Variants in ANKRD12 observed in about 807,000 individuals in gnomAD.
ANKRD12 encodes the protein ankyrin repeat domain-containing protein 12.
In ANKRD12, 85 loss-of-function variants were observed where a neutral mutation model predicts 183.4. That is an observed-to-expected ratio of 0.46 (90% confidence interval 0.39 to 0.56). The LOEUF is 0.56. Among genes scored for constraint, ANKRD12 ranks in the 20% least tolerant of loss-of-function variants. ANKRD12 has a pLI of 0.00. For missense variants in ANKRD12, 2,405 were observed against 2,357.1 expected, an observed-to-expected ratio of 1.02 and a Z score of -0.42; for synonymous variants, 914 against 800.2, an observed-to-expected ratio of 1.14 and a Z score of -2.40.
chr18:9,185,462 C>G (rs1433863832), intron 2 of ANKRD12, among the ~76,000 whole-genome samples: 1 of 152,118 alleles, frequency 6.6e-6, no homozygotes, highest in East Asian at 1.9e-4. Context: ...TGGGCCATTT[C>G]CTGAAAGGAA....
intron 1 of ANKRD12, among the ~76,000 whole-genome samples, chr18:9,153,431 GT>G (rs2029899076): frequency 6.6e-6 from 1 of 152,068 alleles, no homozygotes; most frequent in South Asian, 2.1e-4. Context: ...GAAATCCTTT[GT>G]CTTTTTCAGT....
intron 8 of ANKRD12, among the ~76,000 whole-genome samples, chr18:9,229,612 T>A (rs1287244309): frequency 6.6e-6 from 1 of 152,192 alleles, no homozygotes; most frequent in African/African-American, 2.4e-5. Flanking sequence ...AGCTGTTTCA[T>A]TATTGGTGTG....
intron 9 of ANKRD12, among the ~76,000 whole-genome samples, chr18:9,261,355 T>TAACA (rs1567988500): frequency 6.6e-6 from 1 of 152,240 alleles, no homozygotes; most frequent in Non-Finnish European, 1.5e-5. Context: ...CTGCAGAACT[T>TAACA]ACCAGAACCT....
At chr18:9,215,348 C>G (rs2036035882) in intron 6 of ANKRD12, among the ~76,000 whole-genome samples, 1 of 152,068 alleles carries the variant, frequency 6.6e-6, no homozygotes, top group African/African-American at 2.4e-5. Context: ...AGCTGCCAGT[C>G]TTTTGGTTGT....
At position 9,166,919 on chromosome 18, in the gene ANKRD12, T is replaced by A. The variant is rs1315092055; in HGVS notation, c.-51-15463T>A. ...ATAGGTGTAAGGAAGGGATCCAGTT[T>A]CAGCTTCCTACATATGGCTAGCCAG... On this transcript the variant is annotated intron_variant, in intron 1 of 12. Transcript: ENST00000262126. Among the ~76,000 whole-genome samples, 10 of 152,356 alleles carry A rather than the reference T, an allele frequency of 6.6e-5. No individual in the cohort carries two copies. The East Asian group carries it at 1.9e-3, about 29-fold the overall frequency.
At chr18:9,206,269 A>G (rs894553998) in intron 4 of ANKRD12, among the ~76,000 whole-genome samples, 1 of 152,076 alleles carries the variant, frequency 6.6e-6, no homozygotes, top group Non-Finnish European at 1.5e-5. Context: ...CTTGTCTATT[A>G]TTAGGGCAAG....
intron 7 of ANKRD12, among the ~76,000 whole-genome samples, chr18:9,220,428 A>G (rs1271130155): frequency 6.6e-6 from 1 of 152,210 alleles, no homozygotes; most frequent in African/African-American, 2.4e-5. Context: ...TGCACAAAAT[A>G]TCAAAACAAG....
At chr18:9,214,206 C>A (rs894529844) in intron 6 of ANKRD12, among the ~76,000 whole-genome samples, 2 of 152,036 alleles carry the variant, frequency 1.3e-5, no homozygotes, top group East Asian at 1.9e-4. Flanking sequence ...TACCTACATA[C>A]TAGTCTGTTC....
Position 9,266,951 on chromosome 18 carries a change from G to A in ANKRD12, c.5763+3063G>A, listed in dbSNP as rs2039325736. Among the ~76,000 whole-genome samples the A allele has an allele frequency of 5.9e-5, 9 of 152,040 alleles. No homozygotes were observed. The South Asian group carries it at 1.9e-3, about 32-fold the overall frequency. On this transcript the variant is annotated intron_variant, in intron 10 of 12. Coordinates refer to ENST00000262126, the MANE Select transcript of ANKRD12 (RefSeq NM_015208.5). ...ATCAAGCAAATGGAAAACAAAAAAA[G>A]GCAGGGGTTGCAATCCTAGTCTCTG... is the stretch of plus-strand genomic sequence containing the variant.
At position 9,169,217 on chromosome 18, in the gene ANKRD12, G is replaced by A. The variant is rs142914518; in HGVS notation, c.-51-13165G>A. ...TTGATTTGGGGTGGAGAGTTCTGTA[G>A]ATGTCTATGAGGTCCACTTGGTGCA... On this transcript the variant is annotated intron_variant, in intron 1 of 12. Coordinates refer to ENST00000262126, the MANE Select transcript of ANKRD12 (RefSeq NM_015208.5). Among the ~76,000 whole-genome samples the A allele has an allele frequency of 1.2e-3, 179 of 152,284 alleles. 3 individuals are homozygous for A. In the East Asian group the frequency reaches 0.031, roughly 26 times the overall value.
chr18:9,205,070 T>C (rs1471982680), intron 4 of ANKRD12, among the ~76,000 whole-genome samples: 3 of 152,354 alleles, frequency 2.0e-5, no homozygotes, highest in East Asian at 3.9e-4. Context: ...TGAATTAAAA[T>C]ACCAGGTTAC....
chr18:9,276,722 CAAAA>C lies in ANKRD12; in HGVS notation c.5907+1062_5907+1065del, dbSNP rs372456702. On this transcript the variant is annotated intron_variant, in intron 11 of 12. Transcript: ENST00000262126. Reference sequence around the variant, plus strand: ...AGTGGGACCCTGTCTCAAAAAAAAACAAAAAAAAAACTTTAAGTCTCCAACTTTT... The same window carrying C: ...AGTGGGACCCTGTCTCAAAAAAAAACAAAAAACTTTAAGTCTCCAACTTTT... 3.7e-3 allele frequency among the ~76,000 whole-genome samples: 536 copies of C among 144,546 alleles called. 10 individuals carry two copies. In the East Asian group the frequency reaches 0.037, roughly 10 times the overall value. 94.8% of individuals were successfully genotyped at this position (144,546 alleles called of 152,430 possible).
rs1227807973 is a variant in ANKRD12, at chr18:9,225,125, TTG to T, written c.943+3129_943+3130del. Among the ~76,000 whole-genome samples the T allele has an allele frequency of 9.9e-5, 3 of 30,440 alleles. 1 individual carries two copies. Among genetic ancestry groups the T allele is most frequent in the African/African-American group, 1.9e-4 (3 of 15,404 alleles). The allele number at this position is 30,440 out of a possible 152,430, so 20.0% of individuals were successfully genotyped here. ...AAAGATTTTTAAAAAGACAAAAGGCTTGTGAACTATTTGAATAAATAAACAAT... is the reference window on the plus strand; with the variant it reads ...AAAGATTTTTAAAAAGACAAAAGGCTTGAACTATTTGAATAAATAAACAAT... On this transcript the variant is annotated intron_variant, in intron 8 of 12. Transcript: ENST00000262126.
At position 9,254,298 on chromosome 18, in the gene ANKRD12, G is replaced by A. The variant is rs759485854; in HGVS notation, c.1031G>A (p.Ser344Asn). 2.5e-5 allele frequency: 40 copies of A among 1,612,350 alleles called. No individual in the cohort carries two copies. The South Asian group carries it at 4.4e-4, about 18-fold the overall frequency. ...ETEKDSLICE[S>N]KQILPSKTPL... ...GAGAAAGACTCTCTCATCTGTGAAA[G>A]TAAACAGATACTTCCCAGTAAAACA... is the stretch of plus-strand genomic sequence containing the variant. The change falls in exon 9 of 13, where the codon AGT becomes AAT. Residue 344 changes from serine (S) to asparagine (N), a missense_variant. Transcript: ENST00000262126.
At chr18:9,168,662 G>A (rs186042000) in intron 1 of ANKRD12, among the ~76,000 whole-genome samples, 9,556 of 151,964 alleles carry the variant, frequency 0.063, 328 homozygotes, top group Non-Finnish European at 0.079. Context: ...GATCTTTTCA[G>A]AAAACCAGCT....
chr18:9,189,588 T>C (rs1175135854), intron 2 of ANKRD12, among the ~76,000 whole-genome samples: 1 of 152,210 alleles, frequency 6.6e-6, no homozygotes, highest in Non-Finnish European at 1.5e-5. Flanking sequence ...TAGGGACAAA[T>C]GCAGCTGACA....
intron 1 of ANKRD12, among the ~76,000 whole-genome samples, chr18:9,163,229 GGAA>G (rs1449288675): frequency 6.6e-6 from 1 of 152,120 alleles, no homozygotes; most frequent in African/African-American, 2.4e-5. Flanking sequence ...TAAATTGTAA[GGAA>G]GGGATCCAGT....
At chr18:9,216,982 C>A in intron 7 of ANKRD12, 82 bp downstream of exon 7, 1 of 1,326,448 alleles carries the variant, frequency 7.5e-7, no homozygotes, top group South Asian at 1.3e-5. Flanking sequence ...ACTTCTTAGT[C>A]ATATGATCTG....
chr18:9,163,622 G>A (rs1255405454), intron 1 of ANKRD12, among the ~76,000 whole-genome samples: 2 of 152,120 alleles, frequency 1.3e-5, no homozygotes, highest in South Asian at 4.1e-4. Context: ...ATTACTTTGG[G>A]CAGTATAGCC....
Sources: gnomAD v4.1 joint callset for allele counts (sites outside exome capture counted in the v4.1 genomes callset) on GRCh38, gnomAD v4.1.1 for gene constraint, MANE v1.5 for transcripts, NCBI Gene and HGNC (gene_info 2026-07-23, HGNC 2026-07-21) for gene names.